The following APOLD1 variants were observed in gnomAD, a reference collection of about 807,000 sequenced individuals.
APOLD1 encodes apolipoprotein L domain containing 1, also known as apolipoprotein L domain-containing protein 1.
APOLD1 carries 22 observed loss-of-function variants against 15.3 expected under a neutral mutation model. The ratio of observed to expected loss-of-function variants is 1.44; its 90% CI spans 1.03 to 2.05. The LOEUF is 2.05. Among genes scored for constraint, APOLD1 ranks in the 30% most tolerant of loss-of-function variants. The probability of loss-of-function intolerance (pLI) is 0.00; values close to 1 mark genes in which losing one functional copy is unlikely to be tolerated. For missense variants in APOLD1, 394 were observed against 353.5 expected, an observed-to-expected ratio of 1.11 and a Z score of -0.92; for synonymous variants, 190 against 167.4, an observed-to-expected ratio of 1.13 and a Z score of -1.04.
chr12:12,782,616 G>A (rs552766717), upstream of APOLD1, among the ~76,000 whole-genome samples: 5 of 152,198 alleles, frequency 3.3e-5, no homozygotes, highest in Admixed American at 6.5e-5. Context: ...GCGGTGAGGC[G>A]TGATGGTGCC....
intron 1 of APOLD1, among the ~76,000 whole-genome samples, chr12:12,759,741 T>C (rs1946883027): frequency 6.6e-6 from 1 of 152,206 alleles, no homozygotes; most frequent in Non-Finnish European, 1.5e-5. Flanking sequence ...TGGGAGTGAC[T>C]AGTTTATAAA....
intron 1 of APOLD1, among the ~76,000 whole-genome samples, chr12:12,757,597 C>A (rs1009407577): frequency 1.3e-5 from 2 of 152,164 alleles, no homozygotes; most frequent in African/African-American, 2.4e-5. Context: ...CCCCCGAAAG[C>A]CCCTCTATGT....
Position 12,758,970 on chromosome 12 carries a change from G to A in APOLD1, c.97-27939G>A, listed in dbSNP as rs537973506. Reference sequence around the variant, plus strand: ...ATAGGGTGACTTGAATACAAGCACTGTGATATCGTCACAGCCAATCTGATA... The same window carrying A: ...ATAGGGTGACTTGAATACAAGCACTATGATATCGTCACAGCCAATCTGATA... On this transcript the variant is annotated intron_variant, in intron 1 of 1. Transcript: ENST00000326765. Among the ~76,000 whole-genome samples, 11 of 152,234 alleles carry A rather than the reference G, an allele frequency of 7.2e-5. No homozygotes were observed. In the South Asian group the frequency reaches 8.3e-4, roughly 12 times the overall value.
chr12:12,746,579 C>T (rs1240851645), intron 1 of APOLD1, among the ~76,000 whole-genome samples: 1 of 152,102 alleles, frequency 6.6e-6, no homozygotes, highest in East Asian at 1.9e-4. Flanking sequence ...CGTGTATGAA[C>T]TCTGATGTCT....
chr12:12,739,865 G>A (rs1158011656), intron 1 of APOLD1, among the ~76,000 whole-genome samples: 2 of 148,854 alleles, frequency 1.3e-5, no homozygotes, highest in African/African-American at 5.0e-5. Flanking sequence ...CACCTAGGCT[G>A]GAGTGCAGTG....
rs1463075451 is a variant in APOLD1 at position 12,787,446 on chromosome 12, C to T, written c.541C>T (p.Pro181Ser). 9.9e-6 allele frequency: 16 copies of T among 1,614,084 alleles called. 1 individual carries two copies. The South Asian group carries it at 1.6e-4, about 17-fold the overall frequency. ...VFFGSRGFLI[P>S]RRAEGDTKVS... is the part of the protein sequence containing the mutation. ...CTTTGGCTCACGTGGCTTCCTCATC[C>T]CCAGGCGGGCGGAGGGGGACACCAA... is the stretch of plus-strand genomic sequence containing the variant. Residue 181 changes from proline (P) to serine (S), a missense_variant, in exon 2 of 2, where the codon CCC becomes TCC. By Grantham distance (74) the Pro-to-Ser change is moderately conservative (BLOSUM62 -1). Transcript: ENST00000356591. This position sits in a 1 kb window ranked among gnomAD's most constrained non-coding sequence, Gnocchi z 4.9.
chr12:12,752,659 C>A (rs1407807979), intron 1 of APOLD1, among the ~76,000 whole-genome samples: 1 of 151,992 alleles, frequency 6.6e-6, no homozygotes, highest in Admixed American at 6.6e-5. Context: ...TTTCCAGGAA[C>A]CAGAAACTAT....
At chr12:12,726,177 A>AG (rs1946591808) in intron 1 of APOLD1, 1 of 932,688 alleles carries the variant, frequency 1.1e-6, no homozygotes, top group Admixed American at 3.3e-5. Flanking sequence ...AAAAAAAAAA[A>AG]AAAGAGGAAA....
intron 1 of APOLD1, among the ~76,000 whole-genome samples, chr12:12,744,070 C>G (rs1946747479): frequency 6.6e-6 from 1 of 152,154 alleles, no homozygotes; most frequent in South Asian, 2.1e-4. Flanking sequence ...AATCCCAACA[C>G]TTTGGGAGGC....
At chr12:12,777,202 G>A (rs371424191) in intron 1 of APOLD1, among the ~76,000 whole-genome samples, 14 of 152,240 alleles carry the variant, frequency 9.2e-5, no homozygotes, top group African/African-American at 3.4e-4. Context: ...CCACTTGAAA[G>A]CTGAAGGCCA....
chr12:12,784,046 G>C (rs192427216), upstream of APOLD1, among the ~76,000 whole-genome samples: 1 of 152,198 alleles, frequency 6.6e-6, no homozygotes, highest in East Asian at 1.9e-4. Context: ...TCAACACAGA[G>C]AAAAACAAAT....
At chr12:12,775,313 C>T (rs774000470) in intron 1 of APOLD1, among the ~76,000 whole-genome samples, 10 of 152,202 alleles carry the variant, frequency 6.6e-5, no homozygotes, top group Middle Eastern at 6.8e-3. Flanking sequence ...GATGAACAGG[C>T]GAGGTGCAGA....
intron 1 of APOLD1, among the ~76,000 whole-genome samples, chr12:12,755,186 A>G (rs1334144841): frequency 6.6e-6 from 1 of 152,178 alleles, no homozygotes; most frequent in Non-Finnish European, 1.5e-5. Context: ...TAAAATCAAC[A>G]CTCCATACCT....
At chr12:12,745,539 G>A (rs1202954973) in intron 1 of APOLD1, among the ~76,000 whole-genome samples, 1 of 152,068 alleles carries the variant, frequency 6.6e-6, no homozygotes, top group African/African-American at 2.4e-5. Context: ...GAAAAGAAAA[G>A]ACTGAAGAGA....
chr12:12,745,222 T>A (rs1565428358), intron 1 of APOLD1, among the ~76,000 whole-genome samples: 3 of 151,916 alleles, frequency 2.0e-5, no homozygotes, highest in African/African-American at 7.3e-5. Context: ...AATGAGGAGA[T>A]ATTTGAAAGA....
chr12:12,733,602 A>ACT, intron 1 of APOLD1, among the ~76,000 whole-genome samples: 1 of 151,934 alleles, frequency 6.6e-6, no homozygotes, highest in African/African-American at 2.4e-5. Flanking sequence ...AGGTATTTCA[A>ACT]TTTTTTTTCT....
At chr12:12,743,002 T>C (rs1394737513) in intron 1 of APOLD1, among the ~76,000 whole-genome samples, 2 of 152,248 alleles carry the variant, frequency 1.3e-5, no homozygotes, top group Non-Finnish European at 2.9e-5. Context: ...TCCTCCCGCC[T>C]TGGCCTCCCA....
chr12:12,791,240 G>C lies in APOLD1; in HGVS notation c.*3588G>C, dbSNP rs1246042205. ...CAAAAGTATTTACTGGGAGAAAAAA[G>C]AGAGGAGTGGTTGTAGAAGTCTCCC... On this transcript the variant is annotated 3_prime_UTR_variant, in exon 2 of 2. Coordinates refer to ENST00000356591, the MANE Select transcript of APOLD1 (RefSeq NM_030817.3). 6.6e-6 allele frequency: 1 copy of C among 152,190 alleles called. No individual in the cohort carries two copies. The highest frequency in any genetic ancestry group is 2.4e-5 in the African/African-American group (1 of 41,436). The allele number at this position is 152,190 out of a possible 1,614,324, so 9.4% of individuals were successfully genotyped here. A position where few individuals can be genotyped will look rare whatever the true frequency, so the allele number is the denominator to read the frequency against.
At chr12:12,770,160 A>C (rs7301463) in intron 1 of APOLD1, among the ~76,000 whole-genome samples, 72,100 of 151,992 alleles carry the variant, frequency 0.47, 17,414 homozygotes, top group Middle Eastern at 0.55. Context: ...CTGTAATCCC[A>C]GCACTTTGGG....
Sources: allele counts gnomAD v4.1 joint callset (sites outside exome capture counted in the v4.1 genomes callset), GRCh38; gene constraint gnomAD v4.1.1; non-coding constraint Gnocchi (gnomAD v3.1); transcripts MANE v1.5; gene names NCBI Gene and HGNC (gene_info 2026-07-23, HGNC 2026-07-21).